Variants in ADAM22 observed in about 807,000 individuals in gnomAD.
ADAM22 encodes the protein ADAM metallopeptidase domain 22, also known as disintegrin and metalloproteinase domain-containing protein 22.
Under a neutral mutation model 144.6 loss-of-function variants are expected in ADAM22, and 65 were observed. The observed-to-expected ratio is 0.45, with a 90% confidence interval of 0.37 to 0.55. The LOEUF (loss-of-function observed/expected upper bound fraction) is 0.55, where lower values mean the gene tolerates loss of function less well. ADAM22 is among the 20% of genes least tolerant of loss of function. The probability of loss-of-function intolerance (pLI) is 0.00; values close to 1 mark genes in which losing one functional copy is unlikely to be tolerated. For missense variants in ADAM22, 974 were observed against 1,184.9 expected, an observed-to-expected ratio of 0.82 and a Z score of 2.61; for synonymous variants, 391 against 412.6, an observed-to-expected ratio of 0.95 and a Z score of 0.63.
Position 88,072,099 on chromosome 7 carries a change from C to T in ADAM22, c.324-3527C>T, listed in dbSNP as rs370895417. 3.9e-5 allele frequency among the ~76,000 whole-genome samples: 6 copies of T among 152,254 alleles called. No individual in the cohort carries two copies. In the East Asian group the frequency reaches 9.6e-4, roughly 24 times the overall value. Reference sequence around the variant, plus strand: ...AAGTTTAAATTTAAGGATTCTCACCCTAATCATTAAAATAACAATACTTTG... The same window carrying T: ...AAGTTTAAATTTAAGGATTCTCACCTTAATCATTAAAATAACAATACTTTG... On this transcript the variant is annotated intron_variant, in intron 3 of 31. Transcript: ENST00000413139.
chr7:88,072,225 C>T (rs1813024159), intron 3 of ADAM22, among the ~76,000 whole-genome samples: 1 of 151,994 alleles, frequency 6.6e-6, no homozygotes, highest in South Asian at 2.1e-4. Context: ...TATATAGAGG[C>T]TTGATTGAAA....
chr7:87,943,888 A>C (rs1258333458), intron 2 of ADAM22, among the ~76,000 whole-genome samples: 3 of 152,198 alleles, frequency 2.0e-5, no homozygotes, highest in Non-Finnish European at 4.4e-5. Flanking sequence ...GGATTTTAGC[A>C]CTTAGCAATA....
intron 1 of ADAM22, 110 bp downstream of exon 1, chr7:87,934,660 ATTTT>A (rs57360340): frequency 6.0e-3 from 4,170 of 698,540 alleles, no homozygotes; most frequent in Middle Eastern, 8.9e-3. Flanking sequence ...GCGCGGGGAG[ATTTT>A]TTTTTTTTTT....
At chr7:88,072,358 G>A (rs1269844215) in intron 3 of ADAM22, among the ~76,000 whole-genome samples, 1 of 152,160 alleles carries the variant, frequency 6.6e-6, no homozygotes, top group East Asian at 1.9e-4. Context: ...AAATTTGAAA[G>A]CCTGGAGGAC....
intron 4 of ADAM22, among the ~76,000 whole-genome samples, chr7:88,082,323 C>T (rs1405275412): frequency 3.3e-5 from 5 of 152,078 alleles, no homozygotes; most frequent in African/African-American, 4.8e-5. Flanking sequence ...TTACACCTTA[C>T]ACAAAAATTA....
At chr7:87,993,408 T>G (rs1332622833) in intron 3 of ADAM22, among the ~76,000 whole-genome samples, 3 of 152,238 alleles carry the variant, frequency 2.0e-5, no homozygotes, top group African/African-American at 7.2e-5. Flanking sequence ...TTTTTTCATT[T>G]TAGTAACTTA....
chr7:87,986,351 C>A (rs150341639), intron 3 of ADAM22, among the ~76,000 whole-genome samples: 43 of 152,260 alleles, frequency 2.8e-4, no homozygotes, highest in African/African-American at 8.4e-4. Flanking sequence ...GTTAGAGGGG[C>A]AGCTTTTGGC....
chr7:87,973,718 GA>G lies in ADAM22; in HGVS notation c.247-4614del, dbSNP rs781349018. Among the ~76,000 whole-genome samples the G allele has an allele frequency of 2.3e-3, 344 of 152,258 alleles. 2 individuals are homozygous for G. Among genetic ancestry groups the G allele is most frequent in the African/African-American group, 7.7e-3 (321 of 41,530 alleles). On this transcript the variant is annotated intron_variant, in intron 2 of 31. Coordinates refer to ENST00000413139, the MANE Select transcript of ADAM22 (RefSeq NM_001324418.2). ...GTCCAACAATGATAGACTGGATTAAGAAAATGTGGCACATATACACCATGGA... is the reference window on the plus strand; with the variant it reads ...GTCCAACAATGATAGACTGGATTAAGAAATGTGGCACATATACACCATGGA...
intron 3 of ADAM22, among the ~76,000 whole-genome samples, chr7:88,064,527 A>T (rs1810699393): frequency 6.6e-6 from 1 of 152,062 alleles, no homozygotes; most frequent in Non-Finnish European, 1.5e-5. Context: ...TTTTCCTCAC[A>T]GTTCTGGAGA....
intron 31 of ADAM22, among the ~76,000 whole-genome samples, chr7:88,195,402 G>A (rs1475334193): frequency 6.6e-6 from 1 of 152,180 alleles, no homozygotes; most frequent in Non-Finnish European, 1.5e-5. Context: ...AGAGCTCATG[G>A]CAAAAGCAAG....
intron 4 of ADAM22, among the ~76,000 whole-genome samples, chr7:88,106,033 T>C (rs10227241): frequency 0.57 from 86,006 of 151,866 alleles, 25,425 homozygotes; most frequent in East Asian, 0.9. Flanking sequence ...CTGTAATTTG[T>C]TTAAGATTAC....
chr7:88,029,676 T>A (rs1799791582), intron 3 of ADAM22, among the ~76,000 whole-genome samples: 1 of 152,186 alleles, frequency 6.6e-6, no homozygotes, highest in South Asian at 2.1e-4. Flanking sequence ...ATGAAATCAC[T>A]CAACTTTTGT....
At chr7:87,945,922 A>G (rs1374800240) in intron 2 of ADAM22, among the ~76,000 whole-genome samples, 1 of 152,180 alleles carries the variant, frequency 6.6e-6, no homozygotes, top group Non-Finnish European at 1.5e-5. Flanking sequence ...GCTGGATTGA[A>G]TGGTAGTTCT....
intron 5 of ADAM22, among the ~76,000 whole-genome samples, chr7:88,109,829 C>T (rs1250678229): frequency 1.3e-5 from 2 of 151,608 alleles, no homozygotes; most frequent in African/African-American, 4.8e-5. Flanking sequence ...CACCTGAAGA[C>T]AGTGGAGTGC....
At chr7:88,021,312 C>T (rs1585064324) in intron 3 of ADAM22, among the ~76,000 whole-genome samples, 1 of 152,184 alleles carries the variant, frequency 6.6e-6, no homozygotes, top group African/African-American at 2.4e-5. Context: ...GACCTTAATC[C>T]ACTCTTGTTA....
At chr7:88,029,124 T>A (rs372839548) in intron 3 of ADAM22, among the ~76,000 whole-genome samples, 2 of 152,108 alleles carry the variant, frequency 1.3e-5, no homozygotes. Flanking sequence ...ATTTCTGTTA[T>A]TTTAAAATTT....
chr7:88,068,699 C>T (rs1270234801), intron 3 of ADAM22, among the ~76,000 whole-genome samples: 1 of 152,128 alleles, frequency 6.6e-6, no homozygotes, highest in Non-Finnish European at 1.5e-5. Context: ...GCTATTATAT[C>T]TGGAAGATGC....
At chr7:88,111,950 C>T (rs113669315) in intron 5 of ADAM22, among the ~76,000 whole-genome samples, 7 of 152,144 alleles carry the variant, frequency 4.6e-5, no homozygotes, top group African/African-American at 1.7e-4. Context: ...GGACATTAAC[C>T]TAGTATAAGG....
chr7:88,168,281 G>T, intron 25 of ADAM22, 54 bp downstream of exon 25: 1 of 1,525,534 alleles, frequency 6.6e-7, no homozygotes, highest in South Asian at 1.1e-5. Context: ...TAAACATTTT[G>T]ATTACATGAA....
Sources: gnomAD v4.1 joint callset for allele counts (sites outside exome capture counted in the v4.1 genomes callset) on GRCh38, gnomAD v4.1.1 for gene constraint, MANE v1.5 for transcripts, NCBI Gene and HGNC (gene_info 2026-07-23, HGNC 2026-07-21) for gene names.